ALS2: variants seen among roughly 807,000 people sequenced by gnomAD.
ALS2 encodes alsin.
A neutral mutation model predicts 203.4 loss-of-function variants in ALS2; 117 were observed. The observed-to-expected ratio is 0.58, with a 90% CI of 0.50 to 0.67. ALS2 has a LOEUF of 0.67. Ranked by LOEUF, ALS2 falls within the 30% of genes least tolerant of loss-of-function variation. ALS2 has a pLI of 0.00. For synonymous variants in ALS2, 718 were observed against 725.9 expected (o/e 0.99, Z 0.17); for missense variants, 1,715 against 1,989.4 (o/e 0.86, Z 2.62).
intron 3 of ALS2, among the ~76,000 whole-genome samples, chr2:201,766,706 G>T (rs1302142072): frequency 5.1e-5 from 4 of 78,436 alleles, no homozygotes; most frequent in Non-Finnish European, 1.1e-4. Flanking sequence ...TGTCCAACAA[G>T]GATAGACTGG....
At chr2:201,707,168 T>C (rs1437036622) in intron 28 of ALS2, 146 bp from the exon 29 acceptor site, 1 of 724,616 alleles carries the variant, frequency 1.4e-6, no homozygotes, top group Non-Finnish European at 2.3e-6. Flanking sequence ...TCTTTACATA[T>C]GGAGTTGATA....
rs1690860047 is a variant in ALS2, at chr2:201,722,373, T to G, written c.3702+670A>C. The G allele has an allele frequency of 4.6e-5, 7 of 152,398 alleles. No homozygotes were observed. The South Asian group carries it at 1.4e-3, about 32-fold the overall frequency. The allele number at this position is 152,398 out of a possible 1,614,324, so 9.4% of individuals were successfully genotyped here. On this transcript the variant is annotated intron_variant, in intron 23 of 33. Coordinates refer to ENST00000264276, the MANE Select transcript of ALS2 (RefSeq NM_020919.4). ...ATGGAGAAATTAGTATCCTCAGACA[T>G]TGCTGATGGGAATGTAAAATGGTAC...
At chr2:201,707,828 A>C in intron 28 of ALS2, 41 bp downstream of exon 28, 2 of 1,607,420 alleles carry the variant, frequency 1.2e-6, no homozygotes, top group Non-Finnish European at 1.7e-6. Context: ...TCATCTAGTC[A>C]CCATTCCCTT....
At chr2:201,777,033 A>G (rs1255940636) in intron 1 of ALS2, among the ~76,000 whole-genome samples, 1 of 152,224 alleles carries the variant, frequency 6.6e-6, no homozygotes, top group Non-Finnish European at 1.5e-5. Context: ...TATAAACTCA[A>G]GATAACTACG....
At chr2:201,769,139 T>C (rs975955123) in intron 1 of ALS2, among the ~76,000 whole-genome samples, 194 bp from the exon 2 acceptor site, 5 of 152,146 alleles carry the variant, frequency 3.3e-5, no homozygotes, top group Non-Finnish European at 5.9e-5. Flanking sequence ...CTTATAAAAA[T>C]GCCCATTGAC....
At chr2:201,705,097 A>G (rs1395540758) in intron 31 of ALS2, 42 bp downstream of exon 31, 2 of 1,565,532 alleles carry the variant, frequency 1.3e-6, no homozygotes, top group East Asian at 2.2e-5. Context: ...TAGACCAAGC[A>G]CTACTTTGAT....
chr2:201,764,282 T>C (rs1014067223), intron 3 of ALS2, among the ~76,000 whole-genome samples: 1 of 152,094 alleles, frequency 6.6e-6, no homozygotes, highest in Admixed American at 6.5e-5. Context: ...TGCAAAGAAA[T>C]GGATATTTAG....
chr2:201,764,475 CA>C (rs10630810), intron 3 of ALS2, among the ~76,000 whole-genome samples: 30 of 144,288 alleles, frequency 2.1e-4, no homozygotes, highest in Admixed American at 3.4e-4. Flanking sequence ...ACTAAAAATA[CA>C]AAAAAAAAAG....
intron 17 of ALS2, 116 bp downstream of exon 17, chr2:201,727,096 T>G (rs1362293617): frequency 3.7e-6 from 4 of 1,078,460 alleles, no homozygotes; most frequent in Non-Finnish European, 5.6e-6. Flanking sequence ...TGAAGATTTA[T>G]CAGACAGAAC....
At chr2:201,769,298 A>C (rs896347406) in intron 1 of ALS2, among the ~76,000 whole-genome samples, 1 of 152,204 alleles carries the variant, frequency 6.6e-6, no homozygotes, top group Non-Finnish European at 1.5e-5. Context: ...CATTAAGGGT[A>C]CTTTTTAAAC....
chr2:201,722,370 A>G (rs1247978581), intron 23 of ALS2: 1 of 152,290 alleles, frequency 6.6e-6, no homozygotes, highest in Non-Finnish European at 1.5e-5. Context: ...GTATCCTCAG[A>G]CATTGCTGAT....
In ALS2 at chr2:201,729,199, TAA is replaced by T; in HGVS notation, c.2581-18_2581-17del. 6.2e-7 allele frequency: 1 copy of T among 1,604,430 alleles called. No individual in the cohort carries two copies. Among genetic ancestry groups the T allele is most frequent in the Non-Finnish European group, 8.5e-7 (1 of 1,176,698 alleles). On this transcript the variant is annotated splice_polypyrimidine_tract_variant and intron_variant, in intron 13 of 33. Coordinates refer to ENST00000264276, the MANE Select transcript of ALS2 (RefSeq NM_020919.4). ...CTGGAGATGCCTACAGGGCAAAAAT[TAA>T]AGAGGAAAAAAAAAAAAAGAACATA...
intron 23 of ALS2, chr2:201,722,727 T>G (rs79501767): frequency 0.016 from 5,271 of 325,580 alleles, 58 homozygotes; most frequent in Middle Eastern, 0.033. Flanking sequence ...TAGAGGAGAT[T>G]GCATGTATGA....
At position 201,704,075 on chromosome 2, in the gene ALS2, AAGAC is replaced by A. The variant is rs1243910649; in HGVS notation, c.4935+43_4935+46del. On this transcript the variant is annotated intron_variant, in intron 33 of 33. Transcript: ENST00000264276. ...ATGGCATTTATAATATGGTAAATGA[AAGAC>A]AGATATGAAGATAAGAAAGTATTAA... The A allele has an allele frequency of 2.0e-6, 3 of 1,515,170 alleles. No homozygotes were observed. The South Asian group carries it at 3.4e-5, about 17-fold the overall frequency. 93.9% of individuals were successfully genotyped at this position (1,515,170 alleles called of 1,614,324 possible).
At chr2:201,763,061 G>T in intron 3 of ALS2, 1 of 168,418 alleles carries the variant, frequency 5.9e-6, no homozygotes. Context: ...AAGCAGACGC[G>T]CACTGGCCAG....
intron 7 of ALS2, among the ~76,000 whole-genome samples, chr2:201,750,799 T>C (rs1692985456): frequency 6.6e-6 from 1 of 152,138 alleles, no homozygotes; most frequent in South Asian, 2.1e-4. Flanking sequence ...TCTAGAACTC[T>C]ACTGTGCATA....
At chr2:201,768,971 G>T in intron 1 of ALS2, 26 bp from the exon 2 acceptor site, 1 of 1,265,746 alleles carries the variant, frequency 7.9e-7, no homozygotes. Context: ...AAGGAAAAGA[G>T]CAGTAAAAGA....
chr2:201,717,267 C>T, intron 24 of ALS2, among the ~76,000 whole-genome samples: 1 of 151,832 alleles, frequency 6.6e-6, no homozygotes, highest in Non-Finnish European at 1.5e-5. Flanking sequence ...GAGTTCGAGA[C>T]CAGCCTGGCC....
Position 201,701,988 on chromosome 2 carries a change from C to G in ALS2, c.4936-99G>C. 4 of 1,059,398 alleles carry G rather than the reference C, an allele frequency of 3.8e-6. No homozygotes were observed. In the South Asian group the frequency reaches 5.3e-5, roughly 14 times the overall value. The allele number at this position is 1,059,398 out of a possible 1,614,324, so 65.6% of individuals were successfully genotyped here. A position where few individuals can be genotyped will look rare whatever the true frequency, so the allele number is the denominator to read the frequency against. ...CTAAAGAAACAAAATCCCTTATGAA[C>G]AAATTCAGCTGATGGCCCAACAGAT... On this transcript the variant is annotated intron_variant, in intron 33 of 33. Coordinates refer to ENST00000264276, the MANE Select transcript of ALS2 (RefSeq NM_020919.4).
Sources: gnomAD v4.1 joint callset for allele counts (sites outside exome capture counted in the v4.1 genomes callset) on GRCh38, gnomAD v4.1.1 for gene constraint, MANE v1.5 for transcripts, NCBI Gene and HGNC (gene_info 2026-07-23, HGNC 2026-07-21) for gene names.